The following MRTFB variants were observed in gnomAD, a reference collection of about 807,000 sequenced individuals.
The protein encoded by MRTFB is myocardin related transcription factor B.
A neutral mutation model predicts 104.2 loss-of-function variants in MRTFB; 29 were observed. That is an observed-to-expected ratio of 0.28 (90% CI 0.21 to 0.38). MRTFB has a LOEUF of 0.38. Among genes scored for constraint, MRTFB ranks in the 10% least tolerant of loss-of-function variants. The pLI, the probability that MRTFB is intolerant of heterozygous loss-of-function variation, is 1.00. For synonymous variants in MRTFB, 535 were observed against 519.5 expected (o/e 1.03, Z -0.41); for missense variants, 1,270 against 1,341.6 (o/e 0.95, Z 0.83).
the MRTFB span, among the ~76,000 whole-genome samples, chr16:14,003,640 GCCTCCCTCCCTCCCTC>G: frequency 2.9e-4 from 42 of 146,800 alleles, no homozygotes; most frequent in East Asian, 1.2e-3. Flanking sequence ...CTGCCTGCCT[GCCTCCCTCCCTCCCTC>G]CCTCCCTCCC....
At chr16:14,218,261 G>A (rs566111009) in intron 7 of MRTFB, among the ~76,000 whole-genome samples, 13 of 152,072 alleles carry the variant, frequency 8.5e-5, no homozygotes, top group African/African-American at 2.2e-4. Flanking sequence ...GGGTTTCACC[G>A]CGCTAGCCAG....
intron 13 of MRTFB, among the ~76,000 whole-genome samples, chr16:14,250,114 CA>C (rs2043194862): frequency 6.6e-6 from 1 of 152,274 alleles, no homozygotes; most frequent in South Asian, 2.1e-4. Flanking sequence ...AGGGCTTTTT[CA>C]CTAAGTCTGT....
intron 3 of MRTFB, chr16:14,149,410 G>T (rs1252743163): frequency 1.3e-5 from 2 of 152,166 alleles, no homozygotes; most frequent in African/African-American, 4.8e-5. Flanking sequence ...GTTACAGTTG[G>T]TCAGCACTCT....
intron 2 of MRTFB, among the ~76,000 whole-genome samples, chr16:14,118,600 G>C (rs935560807): frequency 1.3e-5 from 2 of 151,600 alleles, no homozygotes; most frequent in African/African-American, 4.8e-5. Flanking sequence ...TCAAGAGTTC[G>C]AGACCGGTCT....
At chr16:14,132,316 TTTTTTTTTTTAGATGAGAATGTTCTGGAC>T (rs2037482302) in intron 2 of MRTFB, among the ~76,000 whole-genome samples, 1 of 152,046 alleles carries the variant, frequency 6.6e-6, no homozygotes, top group Non-Finnish European at 1.5e-5. Context: ...TACAGGATTT[TTTTTTTTTTTAGATGAGAATGTTCTGGAC>T]TTGGATAGTG....
At chr16:14,194,702 C>CTTTTTTTTTTTTTT (rs5815818) in intron 3 of MRTFB, among the ~76,000 whole-genome samples, 2 of 123,566 alleles carry the variant, frequency 1.6e-5, no homozygotes, top group African/African-American at 2.8e-5. Context: ...GTATGCTTTT[C>CTTTTTTTTTTTTTT]TTTTTTTTTT....
chr16:14,228,379 A>G (rs1404645701), intron 8 of MRTFB, among the ~76,000 whole-genome samples: 2 of 152,192 alleles, frequency 1.3e-5, no homozygotes, highest in African/African-American at 4.8e-5. Flanking sequence ...GATCGAGACC[A>G]TCCTGGCCAA....
the MRTFB span, among the ~76,000 whole-genome samples, chr16:13,999,070 G>C: frequency 6.6e-6 from 1 of 151,230 alleles, no homozygotes; most frequent in South Asian, 2.1e-4. Flanking sequence ...TGTGCCTGTA[G>C]TCCCAGCTAC....
chr16:14,041,170 G>A, the MRTFB span, among the ~76,000 whole-genome samples: 1 of 151,458 alleles, frequency 6.6e-6, no homozygotes, highest in Non-Finnish European at 1.5e-5. Context: ...GAGAGGAGGG[G>A]AGGGGAGGAT....
At chr16:14,248,904 T>G (rs1356018175) in intron 12 of MRTFB, 22 bp from the exon 13 acceptor site, 22 of 1,608,318 alleles carry the variant, frequency 1.4e-5, no homozygotes, top group Non-Finnish European at 1.8e-5. Flanking sequence ...TAAATTGATG[T>G]TTTTTTCAAT....
the MRTFB span, among the ~76,000 whole-genome samples, chr16:14,052,904 C>A: frequency 0.05 from 7,553 of 152,236 alleles, 267 homozygotes; most frequent in African/African-American, 0.094. Flanking sequence ...CTGGAAACCA[C>A]CATTCTACCC....
At chr16:14,182,155 A>G (rs576819815) in intron 3 of MRTFB, among the ~76,000 whole-genome samples, 1 of 152,306 alleles carries the variant, frequency 6.6e-6, no homozygotes, top group East Asian at 1.9e-4. Flanking sequence ...GGTTTCTCCT[A>G]CTGAGGGATA....
chr16:14,155,310 TTTG>T (rs2038788311), intron 3 of MRTFB, among the ~76,000 whole-genome samples: 1 of 152,162 alleles, frequency 6.6e-6, no homozygotes, highest in African/African-American at 2.4e-5. Flanking sequence ...GAAGTTTTAT[TTTG>T]TTCTTTTTTT....
chr16:14,094,853 G>T (rs1402467781), intron 2 of MRTFB, among the ~76,000 whole-genome samples: 1 of 152,180 alleles, frequency 6.6e-6, no homozygotes, highest in Non-Finnish European at 1.5e-5. Context: ...AATGAATGTG[G>T]AGTCTTTTTT....
chr16:14,208,623 T>G (rs933049687), intron 3 of MRTFB, among the ~76,000 whole-genome samples: 3 of 152,306 alleles, frequency 2.0e-5, no homozygotes, highest in Admixed American at 6.5e-5. Context: ...ATTCTGCTTC[T>G]TGAATATGAT....
At chr16:14,109,270 C>T (rs1015532700) in intron 2 of MRTFB, among the ~76,000 whole-genome samples, 1 of 152,018 alleles carries the variant, frequency 6.6e-6, no homozygotes, top group South Asian at 2.1e-4. Flanking sequence ...TTAGTTTACA[C>T]GCATAAAAAT....
At chr16:14,025,778 A>T in the MRTFB span, among the ~76,000 whole-genome samples, 1 of 152,242 alleles carries the variant, frequency 6.6e-6, no homozygotes, top group African/African-American at 2.4e-5. Context: ...TAGCAAGCTA[A>T]CAGGATGCAA....
chr16:14,024,433 T>C, the MRTFB span, among the ~76,000 whole-genome samples: 2 of 152,214 alleles, frequency 1.3e-5, no homozygotes, highest in African/African-American at 2.4e-5. Context: ...AGTGTTGCTG[T>C]GGCTGTAGAG....
chr16:14,240,330 A>C lies in MRTFB; in HGVS notation c.925A>C (p.Ile309Leu), dbSNP rs751148793. ...RVKKLKYHQY[I>L]PPDQKGEKNE... ...AAAGAAGTTAAAGTACCACCAATAC[A>C]TTCCACCAGATCAGAAGGGTGAGAA... is the stretch of plus-strand genomic sequence containing the variant. Residue 309 changes from isoleucine to leucine, a missense_variant, in exon 10 of 17, where the codon ATT becomes CTT. Physicochemically the swap from Ile to Leu is conservative, Grantham distance 5. Around this residue, in one of 3 missense-constraint regions of MRTFB, gnomAD observed 1,144 missense variants for 1,131.5 expected, o/e 1.01. Transcript: ENST00000571589. 4 of 1,614,112 alleles carry C rather than the reference A, an allele frequency of 2.5e-6. No individual in the cohort carries two copies. The highest frequency in any genetic ancestry group is 3.4e-6 in the Non-Finnish European group (4 of 1,180,048).
Sources: gnomAD v4.1 joint callset for allele counts (sites outside exome capture counted in the v4.1 genomes callset) on GRCh38, gnomAD v4.1.1 for gene constraint, gnomAD v4.1.1 regional missense constraint, MANE v1.5 for transcripts, NCBI Gene and HGNC (gene_info 2026-07-23, HGNC 2026-07-21) for gene names.